COX7B2: variants seen among roughly 807,000 people sequenced by gnomAD.
The protein encoded by COX7B2 is cytochrome c oxidase subunit 7B2, also known as cytochrome c oxidase subunit 7B2, mitochondrial.
For synonymous variants in COX7B2, 37 were observed against 32.1 expected (o/e 1.15, Z -0.51); for missense variants, 109 against 95.9 (o/e 1.14, Z -0.57).
intron 1 of COX7B2, among the ~76,000 whole-genome samples, chr4:46,850,148 A>AGATAC: frequency 2.6e-5 from 4 of 151,852 alleles, no homozygotes; most frequent in African/African-American, 9.7e-5. Context: ...TACTGATTTA[A>AGATAC]AAATGATTTA....
chr4:46,871,262 A>T (rs1201748043), intron 1 of COX7B2, among the ~76,000 whole-genome samples: 1 of 152,238 alleles, frequency 6.6e-6, no homozygotes, highest in Admixed American at 6.5e-5. Context: ...TATTCAGTAA[A>T]TGGTACTGGG....
chr4:46,885,759 T>C (rs1249113691), intron 1 of COX7B2, among the ~76,000 whole-genome samples: 2 of 152,172 alleles, frequency 1.3e-5, no homozygotes, highest in Admixed American at 6.5e-5. Flanking sequence ...TCTTAACATA[T>C]AATTCTTCCG....
intron 2 of COX7B2, among the ~76,000 whole-genome samples, chr4:46,790,127 T>C (rs1371293302): frequency 2.0e-5 from 3 of 152,196 alleles, no homozygotes; most frequent in Non-Finnish European, 4.4e-5. Flanking sequence ...CTTTATACCA[T>C]GATGTCTGCT....
At chr4:46,831,549 C>T (rs1006368134) in intron 2 of COX7B2, among the ~76,000 whole-genome samples, 1 of 152,198 alleles carries the variant, frequency 6.6e-6, no homozygotes, top group Non-Finnish European at 1.5e-5. Flanking sequence ...TTATGTCTAG[C>T]TAAGGGATTG....
chr4:46,896,115 CTTG>C (rs2109883121), intron 1 of COX7B2, among the ~76,000 whole-genome samples: 2 of 152,250 alleles, frequency 1.3e-5, no homozygotes, highest in East Asian at 3.9e-4. Flanking sequence ...TCACTGGCCT[CTTG>C]TTATATAGCT....
At chr4:46,777,807 C>A (rs1717241094) in intron 2 of COX7B2, among the ~76,000 whole-genome samples, 1 of 152,080 alleles carries the variant, frequency 6.6e-6, no homozygotes, top group African/African-American at 2.4e-5. Flanking sequence ...AAGGCAAATA[C>A]TAAACTTCTT....
intron 1 of COX7B2, among the ~76,000 whole-genome samples, chr4:46,896,483 GT>G (rs1394887127): frequency 6.6e-6 from 1 of 152,088 alleles, no homozygotes; most frequent in Admixed American, 6.6e-5. Context: ...CACCAGCATT[GT>G]AAAACTGTTA....
intron 2 of COX7B2, among the ~76,000 whole-genome samples, chr4:46,783,072 A>G (rs1452124555): frequency 6.6e-6 from 1 of 152,258 alleles, no homozygotes; most frequent in Admixed American, 6.5e-5. Flanking sequence ...CATATTCTAA[A>G]TGAAACTCCA....
intron 2 of COX7B2, among the ~76,000 whole-genome samples, chr4:46,797,478 G>A (rs1718425610): frequency 6.6e-6 from 1 of 152,214 alleles, no homozygotes; most frequent in Non-Finnish European, 1.5e-5. Flanking sequence ...GAACGGATAT[G>A]CTCAGCAGCA....
At chr4:46,889,819 G>T (rs1038168470) in intron 1 of COX7B2, among the ~76,000 whole-genome samples, 2 of 151,630 alleles carry the variant, frequency 1.3e-5, no homozygotes, top group African/African-American at 4.8e-5. Context: ...CTCTGAAACT[G>T]ATATGAAATT....
chr4:46,830,232 G>A (rs1382406805), intron 2 of COX7B2, among the ~76,000 whole-genome samples: 1 of 150,648 alleles, frequency 6.6e-6, no homozygotes, highest in Non-Finnish European at 1.5e-5. Context: ...GCTGAGGCAG[G>A]AGAATTGCTT....
intron 1 of COX7B2, among the ~76,000 whole-genome samples, chr4:46,855,542 G>T (rs1471741817): frequency 6.6e-6 from 1 of 151,460 alleles, no homozygotes; most frequent in African/African-American, 2.4e-5. Flanking sequence ...TATGATGAAG[G>T]CATTAAAAAT....
chr4:46,763,992 G>A (rs1037743564), intron 2 of COX7B2, among the ~76,000 whole-genome samples: 1 of 152,180 alleles, frequency 6.6e-6, no homozygotes, highest in Non-Finnish European at 1.5e-5. Context: ...GTCAGGAAGA[G>A]TTTGGAATTA....
chr4:46,735,709 C>T (rs1714324456), intron 2 of COX7B2, among the ~76,000 whole-genome samples: 1 of 152,142 alleles, frequency 6.6e-6, no homozygotes, highest in Admixed American at 6.6e-5. Flanking sequence ...ATTCTGCTTG[C>T]CTTTGAAATT....
intron 1 of COX7B2, among the ~76,000 whole-genome samples, chr4:46,908,474 A>T (rs1340239128): frequency 6.6e-6 from 1 of 152,126 alleles, no homozygotes; most frequent in Non-Finnish European, 1.5e-5. Context: ...ATATACAAAC[A>T]GCTACTCTCC....
At chr4:46,735,526 CA>C (rs373748388) in intron 2 of COX7B2, among the ~76,000 whole-genome samples, 19 of 152,228 alleles carry the variant, frequency 1.2e-4, no homozygotes, top group Middle Eastern at 6.8e-3. Flanking sequence ...CACAAATATC[CA>C]ATGCATTGAC....
intron 2 of COX7B2, among the ~76,000 whole-genome samples, chr4:46,757,476 T>C (rs531044777): frequency 6.6e-6 from 1 of 152,124 alleles, no homozygotes; most frequent in Non-Finnish European, 1.5e-5. Context: ...GTTATTTTTT[T>C]AAAAACTCAC....
intron 2 of COX7B2, among the ~76,000 whole-genome samples, chr4:46,751,792 A>G (rs938686466): frequency 2.0e-5 from 3 of 149,142 alleles, no homozygotes; most frequent in Non-Finnish European, 4.5e-5. Flanking sequence ...TCAGGAGCCA[A>G]TACCATGCTG....
chr4:46,828,909 T>C (rs1397536148), intron 2 of COX7B2, among the ~76,000 whole-genome samples: 1 of 152,138 alleles, frequency 6.6e-6, no homozygotes, highest in African/African-American at 2.4e-5. Context: ...CAGCGAAGTA[T>C]AATTAACTCT....
Sources: gnomAD v4.1 joint callset for allele counts (sites outside exome capture counted in the v4.1 genomes callset) on GRCh38, gnomAD v4.1.1 for gene constraint, MANE v1.5 for transcripts, NCBI Gene and HGNC (gene_info 2026-07-23, HGNC 2026-07-21) for gene names.